Variants in CACNA2D1 observed in about 807,000 individuals in gnomAD.
CACNA2D1 encodes voltage-dependent calcium channel subunit alpha-2/delta-1.
Under a neutral mutation model 171.5 loss-of-function variants are expected in CACNA2D1, and 53 were observed. That is an observed-to-expected ratio of 0.31 (90% CI 0.25 to 0.39). CACNA2D1 has a LOEUF of 0.39. Among genes scored for constraint, CACNA2D1 ranks in the 10% least tolerant of loss-of-function variants. The probability of loss-of-function intolerance (pLI) is 1.00; values close to 1 mark genes in which losing one functional copy is unlikely to be tolerated. For missense variants in CACNA2D1, 903 were observed against 1,299.8 expected (o/e 0.69, Z 4.69); for synonymous variants, 442 against 443.1 (o/e 1.00, Z 0.03).
rs891611532 is a variant in CACNA2D1, at chr7:82,050,595, T to C, written c.879+9833A>G. 7.1e-6 allele frequency: 5 copies of C among 702,564 alleles called. No homozygotes were observed. Among genetic ancestry groups the C allele is most frequent in the Non-Finnish European group, 1.3e-5 (5 of 384,870 alleles). 43.5% of individuals were successfully genotyped at this position (702,564 alleles called of 1,614,324 possible). On this transcript the variant is annotated intron_variant, in intron 10 of 38. Coordinates refer to ENST00000356860, the MANE Select transcript of CACNA2D1 (RefSeq NM_000722.4). ...TAGTTTAATTACTCTGCATTGAAAA[T>C]CTCTTCGGGAGAAGGAGAAATCTCT...
chr7:82,054,655 C>A (rs1805589307), intron 10 of CACNA2D1, among the ~76,000 whole-genome samples: 1 of 152,146 alleles, frequency 6.6e-6, no homozygotes, highest in African/African-American at 2.4e-5. Flanking sequence ...TAAGCAGATA[C>A]CAACCAGTGT....
intron 6 of CACNA2D1, among the ~76,000 whole-genome samples, chr7:82,096,333 C>T (rs1057422713): frequency 9.2e-5 from 14 of 152,166 alleles, no homozygotes; most frequent in Middle Eastern, 3.4e-3. Context: ...CTCCTATACC[C>T]GAGCTCCAGG....
chr7:82,402,234 A>C (rs1826507737), intron 1 of CACNA2D1, among the ~76,000 whole-genome samples: 1 of 152,220 alleles, frequency 6.6e-6, no homozygotes, highest in Non-Finnish European at 1.5e-5. Flanking sequence ...GCATTTGGCA[A>C]ATAATTGCTA....
chr7:82,224,262 A>AT (rs949271903), intron 3 of CACNA2D1, among the ~76,000 whole-genome samples: 2 of 152,166 alleles, frequency 1.3e-5, no homozygotes, highest in African/African-American at 4.8e-5. Context: ...ATGGGAAAAC[A>AT]TTTTTCTTTA....
At chr7:82,397,465 T>C (rs1035184670) in intron 1 of CACNA2D1, among the ~76,000 whole-genome samples, 2 of 152,224 alleles carry the variant, frequency 1.3e-5, no homozygotes, top group African/African-American at 4.8e-5. Flanking sequence ...TTTATGAAAG[T>C]ATTTTTATAT....
At chr7:82,214,111 AC>A (rs1293928315) in intron 3 of CACNA2D1, among the ~76,000 whole-genome samples, 8 of 152,058 alleles carry the variant, frequency 5.3e-5, no homozygotes, top group Admixed American at 3.3e-4. Context: ...TACCCTCATG[AC>A]CTAATCTACT....
intron 3 of CACNA2D1, among the ~76,000 whole-genome samples, chr7:82,227,349 A>G (rs956664639): frequency 2.6e-5 from 4 of 152,190 alleles, no homozygotes; most frequent in Admixed American, 1.3e-4. Flanking sequence ...GATCTGAAAG[A>G]AATAGAAAAT....
intron 12 of CACNA2D1, among the ~76,000 whole-genome samples, chr7:82,030,288 A>G (rs1026934579): frequency 6.6e-6 from 1 of 151,702 alleles, no homozygotes; most frequent in African/African-American, 2.4e-5. Flanking sequence ...GATGGAATAC[A>G]TTTACTTTCC....
intron 21 of CACNA2D1, among the ~76,000 whole-genome samples, chr7:81,985,364 G>A (rs1172475683): frequency 1.3e-5 from 2 of 151,968 alleles, no homozygotes; most frequent in African/African-American, 4.8e-5. Context: ...ACCACGCCCA[G>A]CTAATGTTTG....
At chr7:82,130,889 C>T (rs1468116946) in intron 5 of CACNA2D1, among the ~76,000 whole-genome samples, 3 of 150,472 alleles carry the variant, frequency 2.0e-5, no homozygotes, top group Non-Finnish European at 4.4e-5. Flanking sequence ...CTCCACCTCC[C>T]GGGTTCACGC....
intron 3 of CACNA2D1, among the ~76,000 whole-genome samples, chr7:82,216,049 C>T (rs1801065320): frequency 6.6e-6 from 1 of 152,160 alleles, no homozygotes; most frequent in Non-Finnish European, 1.5e-5. Flanking sequence ...GATCTTTCTG[C>T]TCAGTTTACT....
intron 20 of CACNA2D1, among the ~76,000 whole-genome samples, chr7:81,992,806 A>C (rs2130758027): frequency 6.6e-6 from 1 of 152,316 alleles, no homozygotes; most frequent in South Asian, 2.1e-4. Flanking sequence ...TAGCTTCTTA[A>C]AAAAGTCATT....
intron 38 of CACNA2D1, among the ~76,000 whole-genome samples, chr7:81,957,603 ACATACAAGATGAG>A (rs1257348415): frequency 6.6e-6 from 1 of 152,082 alleles, no homozygotes; most frequent in Non-Finnish European, 1.5e-5. Context: ...AACACAGAAG[ACATACAAGATGAG>A]ATTTCATGCA....
intron 5 of CACNA2D1, among the ~76,000 whole-genome samples, chr7:82,131,536 A>G (rs2129070530): frequency 6.6e-6 from 1 of 152,304 alleles, no homozygotes; most frequent in East Asian, 1.9e-4. Context: ...TAATTTATCC[A>G]TAATTTCTTT....
Position 82,172,951 on chromosome 7 carries a change from T to G in CACNA2D1, c.295-2342A>C, listed in dbSNP as rs574041944. 5.9e-5 allele frequency among the ~76,000 whole-genome samples: 9 copies of G among 152,010 alleles called. No individual in the cohort carries two copies. The East Asian group carries it at 1.7e-3, about 30-fold the overall frequency. On this transcript the variant is annotated intron_variant, in intron 3 of 38. Transcript: ENST00000356860. The stretch of plus-strand genomic sequence containing the variant: ...TTGTGTCTTAGAGAAGAATATTAAG[T>G]TTTTTCTTCAGAATACACAGGAAGA...
chr7:82,346,141 A>C (rs1205744306), intron 2 of CACNA2D1, among the ~76,000 whole-genome samples: 1 of 152,196 alleles, frequency 6.6e-6, no homozygotes, highest in Non-Finnish European at 1.5e-5. Flanking sequence ...AACTGGAAGA[A>C]TCATTTTGCA....
intron 15 of CACNA2D1, 146 bp downstream of exon 15, chr7:82,012,008 T>C: frequency 1.5e-6 from 1 of 667,494 alleles, no homozygotes; most frequent in Non-Finnish European, 2.7e-6. Flanking sequence ...GTAAATTATA[T>C]AAATTCTAGG....
intron 20 of CACNA2D1, among the ~76,000 whole-genome samples, chr7:81,994,549 T>C (rs1797852402): frequency 6.6e-6 from 1 of 152,078 alleles, no homozygotes; most frequent in Admixed American, 6.5e-5. Context: ...TAAAACAACA[T>C]GGCAACATTA....
intron 6 of CACNA2D1, among the ~76,000 whole-genome samples, chr7:82,108,633 G>C (rs916707502): frequency 6.6e-6 from 1 of 152,144 alleles, no homozygotes; most frequent in African/African-American, 2.4e-5. Flanking sequence ...TATATGATAA[G>C]AATACTGTAT....
Sources: allele counts gnomAD v4.1 joint callset (sites outside exome capture counted in the v4.1 genomes callset), GRCh38; gene constraint gnomAD v4.1.1; transcripts MANE v1.5; gene names NCBI Gene and HGNC (gene_info 2026-07-23, HGNC 2026-07-21).